EPAS1: variants seen among roughly 807,000 people sequenced by gnomAD.
EPAS1 encodes the protein endothelial PAS domain-containing protein 1.
A neutral mutation model predicts 87.9 loss-of-function variants in EPAS1; 23 were observed. That is an observed-to-expected ratio of 0.26 (90% CI 0.19 to 0.37). EPAS1 has a LOEUF of 0.37. Ranked by LOEUF, EPAS1 falls within the 10% of genes least tolerant of loss-of-function variation. The pLI, the probability that EPAS1 is intolerant of heterozygous loss-of-function variation, is 1.00. For synonymous variants in EPAS1, 508 were observed against 444.3 expected, an observed-to-expected ratio of 1.14 and a Z score of -1.80; for missense variants, 1,138 against 1,120.7, an observed-to-expected ratio of 1.02 and a Z score of -0.22.
rs182745392 is a variant in EPAS1, at chr2:46,340,972, A to G, written c.27-5901A>G. Among the ~76,000 whole-genome samples, 663 of 152,286 alleles carry G rather than the reference A, an allele frequency of 4.4e-3. 3 individuals are homozygous for G. Among genetic ancestry groups the G allele is most frequent in the South Asian group, 0.029 (138 of 4,818 alleles). Reference sequence around the variant, plus strand: ...TGGGCTCAAGCAATCCTCCTGCCTCAGTCTCCCAAAGTGCTGTGATTATAG... The same window carrying G: ...TGGGCTCAAGCAATCCTCCTGCCTCGGTCTCCCAAAGTGCTGTGATTATAG... On this transcript the variant is annotated intron_variant, in intron 1 of 15. Transcript: ENST00000263734.
intron 1 of EPAS1, among the ~76,000 whole-genome samples, chr2:46,318,042 C>G (rs1162183040): frequency 6.6e-6 from 1 of 152,158 alleles, no homozygotes; most frequent in East Asian, 1.9e-4. Flanking sequence ...CATTCCTTAA[C>G]TTTTGATTTA....
chr2:46,375,936 C>T lies in EPAS1; in HGVS notation c.1034+99C>T. 1 of 1,537,486 alleles carries T rather than the reference C, an allele frequency of 6.5e-7. No homozygotes were observed. The highest frequency in any genetic ancestry group is 9.0e-7 in the Non-Finnish European group (1 of 1,114,278). On this transcript the variant is annotated intron_variant, in intron 8 of 15. Coordinates refer to ENST00000263734, the MANE Select transcript of EPAS1 (RefSeq NM_001430.5). The surrounding 1 kb of genome is among the most constrained non-coding windows in gnomAD (Gnocchi z 4.1). Reference sequence around the variant, plus strand: ...CAGGCCTAGGAGATGCCAGGCCTCTCAGCGCCCTGGGCACCACCTCAGGGA... The same window carrying T: ...CAGGCCTAGGAGATGCCAGGCCTCTTAGCGCCCTGGGCACCACCTCAGGGA...
chr2:46,319,413 C>T (rs1452543397), intron 1 of EPAS1, among the ~76,000 whole-genome samples: 1 of 152,094 alleles, frequency 6.6e-6, no homozygotes. Context: ...ATGACACAAT[C>T]TATATCTTTA....
chr2:46,365,007 A>C (rs1684471888), intron 6 of EPAS1, among the ~76,000 whole-genome samples: 1 of 152,352 alleles, frequency 6.6e-6, no homozygotes, highest in African/African-American at 2.4e-5. Context: ...GGAAGACAAA[A>C]GTTGTTCCCA....
chr2:46,381,875 C>G (rs1412126879), intron 13 of EPAS1, 100 bp from the exon 14 acceptor site: 2 of 1,526,490 alleles, frequency 1.3e-6, no homozygotes, highest in African/African-American at 2.7e-5. Context: ...CCTTCCAAGC[C>G]AGCAAGTGCC....
chr2:46,380,696 A>G lies in EPAS1; in HGVS notation c.2024A>G (p.His675Arg), dbSNP rs776667520. The change falls in exon 12 of 16, where the codon CAT (histidine) becomes CGT (arginine). Residue 675 changes from histidine (H) to arginine (R), a missense_variant. Coordinates refer to ENST00000263734, the MANE Select transcript of EPAS1 (RefSeq NM_001430.5). The surrounding 1 kb of genome is among the most constrained non-coding windows in gnomAD (Gnocchi z 4.4). ...TTGGGGCCCCCTGTCTCTCCACCCCATGTCTCCACCTTCAAGACAAGGTAA... is the reference window on the plus strand; with the variant it reads ...TTGGGGCCCCCTGTCTCTCCACCCCGTGTCTCCACCTTCAAGACAAGGTAA... ...APLGPPVSPPHVSTFKTRSAK... is the reference protein window; with the variant it reads ...APLGPPVSPPRVSTFKTRSAK... 6.2e-7 allele frequency: 1 copy of G among 1,612,864 alleles called. No homozygotes were observed. The highest frequency in any genetic ancestry group is 8.5e-7 in the Non-Finnish European group (1 of 1,179,974).
At chr2:46,363,014 G>GTGGTGGTGGTGGTGA (rs1684431975) in intron 6 of EPAS1, among the ~76,000 whole-genome samples, 4 of 141,090 alleles carry the variant, frequency 2.8e-5, no homozygotes, top group Admixed American at 1.4e-4. Flanking sequence ...GGTGGTGGTG[G>GTGGTGGTGGTGGTGA]TGGTGATAAT....
chr2:46,346,733 C>T lies in EPAS1; in HGVS notation c.27-140C>T. ...AATACAAAGCAGGTTGTGTGTGGCT[C>T]AGACAACTGGTGTGAGCCCAGATCA... On this transcript the variant is annotated intron_variant, in intron 1 of 15. Coordinates refer to ENST00000263734, the MANE Select transcript of EPAS1 (RefSeq NM_001430.5). This position sits in a 1 kb window ranked among gnomAD's most constrained non-coding sequence, Gnocchi z 4.0. 1.2e-6 allele frequency: 1 copy of T among 853,518 alleles called. No homozygotes were observed. The highest frequency in any genetic ancestry group is 1.5e-5 in the South Asian group (1 of 67,714). 52.9% of individuals were successfully genotyped at this position (853,518 alleles called of 1,614,324 possible).
intron 1 of EPAS1, among the ~76,000 whole-genome samples, chr2:46,344,477 C>G (rs1175779652): frequency 6.6e-6 from 1 of 152,232 alleles, no homozygotes; most frequent in Non-Finnish European, 1.5e-5. Flanking sequence ...TTTCACCTGA[C>G]CCTCCTGATC....
intron 1 of EPAS1, among the ~76,000 whole-genome samples, chr2:46,313,438 G>GTTATTTATTTTT (rs111339253): frequency 2.7e-5 from 4 of 148,662 alleles, no homozygotes; most frequent in Non-Finnish European, 6.0e-5. Context: ...CCCACATGTT[G>GTTATTTATTTTT]TTATTTATTT....
chr2:46,359,257 C>CAAAAAAAAAAAA lies in EPAS1; in HGVS notation c.455-1368_455-1357dup, dbSNP rs57351888. On this transcript the variant is annotated intron_variant, in intron 4 of 15. Transcript: ENST00000263734. ...CTGGCGACAGAGCAAGATTCTGTCT[C>CAAAAAAAAAAAA]AAAAAAAAAAAAAAAAAAAAAAAAG... is the stretch of plus-strand genomic sequence containing the variant. Among the ~76,000 whole-genome samples, 7 of 25,094 alleles carry CAAAAAAAAAAAA rather than the reference C, an allele frequency of 2.8e-4. 1 individual carries two copies. The highest frequency in any genetic ancestry group is 8.0e-3 in the East Asian group (2 of 250). 16.5% of individuals were successfully genotyped at this position (25,094 alleles called of 152,430 possible). A position where few individuals can be genotyped will look rare whatever the true frequency, so the allele number is the denominator to read the frequency against.
In EPAS1 at chr2:46,361,220, T is replaced by C; in HGVS notation, c.779+130T>C. On this transcript the variant is annotated intron_variant, in intron 6 of 15. Transcript: ENST00000263734. ...ATTGCCGGGTGCATGTTCGTGGACCTGTGCCACTGTTTCATTGCATCAGTG... is the reference window on the plus strand; with the variant it reads ...ATTGCCGGGTGCATGTTCGTGGACCCGTGCCACTGTTTCATTGCATCAGTG... 4.0e-6 allele frequency: 4 copies of C among 1,012,268 alleles called. 1 individual carries two copies. In the South Asian group the frequency reaches 5.9e-5, roughly 15 times the overall value. 62.7% of individuals were successfully genotyped at this position (1,012,268 alleles called of 1,614,324 possible).
chr2:46,328,831 A>C (rs759865741), intron 1 of EPAS1, among the ~76,000 whole-genome samples: 4 of 152,262 alleles, frequency 2.6e-5, no homozygotes, highest in Non-Finnish European at 4.4e-5. Flanking sequence ...TGTTCAGAAC[A>C]CAAGTCTGCC....
chr2:46,370,291 A>T (rs1303255527), intron 7 of EPAS1, among the ~76,000 whole-genome samples: 1 of 152,224 alleles, frequency 6.6e-6, no homozygotes, highest in East Asian at 1.9e-4. Context: ...AGAGAGTAAA[A>T]TAATTCAACA....
At position 46,383,777 on chromosome 2, in the gene EPAS1, T is replaced by C. The variant is rs182285961; in HGVS notation, c.2462-732T>C. ...GCAAGGGATGGTGAGCAGGTATCCA[T>C]TGATACTGTCCACAGGAGCAGTCAA... On this transcript the variant is annotated intron_variant, in intron 15 of 15. Transcript: ENST00000263734. Among the ~76,000 whole-genome samples, 577 of 152,334 alleles carry C rather than the reference T, an allele frequency of 3.8e-3. 9 individuals carry two copies. The highest frequency in any genetic ancestry group is 0.013 in the African/African-American group (547 of 41,574).
chr2:46,379,228 T>C (rs1205038828), intron 11 of EPAS1, among the ~76,000 whole-genome samples: 2 of 152,210 alleles, frequency 1.3e-5, no homozygotes, highest in African/African-American at 4.8e-5. Flanking sequence ...ACATAAAACT[T>C]TTCAGGAACA....
intron 1 of EPAS1, among the ~76,000 whole-genome samples, chr2:46,304,426 T>C (rs1385570535): frequency 1.3e-5 from 2 of 152,190 alleles, no homozygotes; most frequent in Non-Finnish European, 1.5e-5. Context: ...ACTGAAGATA[T>C]CTATAAAGTA....
At chr2:46,368,058 A>G (rs761253440) in intron 6 of EPAS1, among the ~76,000 whole-genome samples, 3 of 152,230 alleles carry the variant, frequency 2.0e-5, no homozygotes, top group Non-Finnish European at 4.4e-5. Context: ...AAATCAATCT[A>G]CTGGTCAGCT....
At chr2:46,363,187 C>G (rs1488792402) in intron 6 of EPAS1, among the ~76,000 whole-genome samples, 2 of 152,196 alleles carry the variant, frequency 1.3e-5, no homozygotes, top group Non-Finnish European at 2.9e-5. Flanking sequence ...ATAACATGGA[C>G]AATCCCACTG....
Sources: allele counts gnomAD v4.1 joint callset (sites outside exome capture counted in the v4.1 genomes callset), GRCh38; gene constraint gnomAD v4.1.1; non-coding constraint Gnocchi (gnomAD v3.1); transcripts MANE v1.5; gene names NCBI Gene and HGNC (gene_info 2026-07-23, HGNC 2026-07-21).